LDLRAD4: variants seen among roughly 807,000 people sequenced by gnomAD.
LDLRAD4 encodes low density lipoprotein receptor class A domain containing 4.
LDLRAD4 carries 5 observed loss-of-function variants against 17.0 expected under a neutral mutation model. The ratio of observed to expected loss-of-function variants is 0.29; its 90% CI spans 0.15 to 0.62. The LOEUF is 0.62. LDLRAD4 is among the 20% of genes least tolerant of loss of function. The probability of loss-of-function intolerance (pLI) is 0.84; values close to 1 mark genes in which losing one functional copy is unlikely to be tolerated. For missense variants in LDLRAD4, 340 were observed against 424.7 expected, an observed-to-expected ratio of 0.80 and a Z score of 1.75; for synonymous variants, 168 against 171.8, an observed-to-expected ratio of 0.98 and a Z score of 0.17.
At chr18:13,602,627 T>C (rs2095177593) in intron 3 of LDLRAD4, among the ~76,000 whole-genome samples, 1 of 151,808 alleles carries the variant, frequency 6.6e-6, no homozygotes, top group South Asian at 2.1e-4. Context: ...TTTGTATTTT[T>C]AGTAGAGTCT....
In LDLRAD4 at chr18:13,632,307, C is replaced by A. The variant is rs566056194; in HGVS notation, c.336+11036C>A. Among the ~76,000 whole-genome samples, 3 of 152,354 alleles carry A rather than the reference C, an allele frequency of 2.0e-5. No individual in the cohort carries two copies. The South Asian group carries it at 6.2e-4, about 32-fold the overall frequency. On this transcript the variant is annotated intron_variant, in intron 4 of 5. Transcript: ENST00000359446. ...TCACGTTACTGGCCCAGATCCCACACCTGCCAAGGGCAAGCCAGGCACAGA... is the reference window on the plus strand; with the variant it reads ...TCACGTTACTGGCCCAGATCCCACAACTGCCAAGGGCAAGCCAGGCACAGA...
chr18:13,224,870 C>T (rs1347878878), intron 1 of LDLRAD4, among the ~76,000 whole-genome samples: 2 of 151,232 alleles, frequency 1.3e-5, no homozygotes, highest in Non-Finnish European at 2.9e-5. Context: ...CCTTTATTAC[C>T]CAGGCTGGAG....
chr18:13,244,611 G>T (rs2042867253), intron 1 of LDLRAD4, among the ~76,000 whole-genome samples: 1 of 152,124 alleles, frequency 6.6e-6, no homozygotes, highest in Non-Finnish European at 1.5e-5. Flanking sequence ...GACCCATGTG[G>T]GTTGTATTGT....
chr18:13,628,337 C>T (rs1034277168), intron 4 of LDLRAD4, among the ~76,000 whole-genome samples: 3 of 152,176 alleles, frequency 2.0e-5, no homozygotes, highest in Non-Finnish European at 4.4e-5. Flanking sequence ...GGGGATGAAC[C>T]GCAGGGGACC....
intron 1 of LDLRAD4, among the ~76,000 whole-genome samples, chr18:13,245,403 A>G (rs2145744939): frequency 6.6e-6 from 1 of 152,334 alleles, no homozygotes; most frequent in South Asian, 2.1e-4. Flanking sequence ...CCAGCAGGAA[A>G]TACTACCACA....
In LDLRAD4 at chr18:13,492,064, C is replaced by T. The variant is rs1450744722; in HGVS notation, c.181+53680C>T. Among the ~76,000 whole-genome samples, 4 of 152,130 alleles carry T rather than the reference C, an allele frequency of 2.6e-5. 1 individual carries two copies. The highest frequency in any genetic ancestry group is 9.7e-5 in the African/African-American group (4 of 41,424). On this transcript the variant is annotated intron_variant, in intron 3 of 5. Coordinates refer to ENST00000359446, the Ensembl canonical transcript of LDLRAD4. Reference sequence around the variant, plus strand: ...GCTACCTTCATAGAGTTTTTGCCCCCCACTGAAAATGCAACTTGTCATTCT... The same window carrying T: ...GCTACCTTCATAGAGTTTTTGCCCCTCACTGAAAATGCAACTTGTCATTCT...
At chr18:13,397,171 T>C (rs1307158762) in intron 2 of LDLRAD4, among the ~76,000 whole-genome samples, 1 of 152,178 alleles carries the variant, frequency 6.6e-6, no homozygotes, top group Non-Finnish European at 1.5e-5. Flanking sequence ...AGTCTCTCTC[T>C]GTCGCTCTGT....
intron 3 of LDLRAD4, among the ~76,000 whole-genome samples, chr18:13,560,484 G>A (rs948285740): frequency 1.3e-5 from 2 of 152,178 alleles, no homozygotes; most frequent in Admixed American, 6.5e-5. Context: ...GGATGACGGG[G>A]GCTGATGTCT....
rs369943316 is a variant in LDLRAD4 at position 13,447,407 on chromosome 18, A to G, written c.181+9023A>G. On this transcript the variant is annotated intron_variant, in intron 3 of 5. Coordinates refer to ENST00000359446, the Ensembl canonical transcript of LDLRAD4. ...TTTCTCCAAGACGGTTTTCTGATCA[A>G]TTAAAATCGTGTAGGGTCTTAAATG... 3.9e-5 allele frequency among the ~76,000 whole-genome samples: 6 copies of G among 152,328 alleles called. No homozygotes were observed. In the South Asian group the frequency reaches 1.0e-3, roughly 26 times the overall value.
At chr18:13,415,564 A>ACTCCT (rs2088809013) in intron 2 of LDLRAD4, among the ~76,000 whole-genome samples, 3 of 152,084 alleles carry the variant, frequency 2.0e-5, no homozygotes, top group Admixed American at 1.3e-4. Flanking sequence ...CTGTCTGAGG[A>ACTCCT]GCTGCTCTTG....
intron 3 of LDLRAD4, among the ~76,000 whole-genome samples, chr18:13,453,366 A>G (rs947245889): frequency 6.6e-6 from 1 of 152,164 alleles, no homozygotes; most frequent in Non-Finnish European, 1.5e-5. Flanking sequence ...TGTGTCATAC[A>G]TGACAATGGA....
At chr18:13,538,201 C>T (rs1036901645) in intron 3 of LDLRAD4, among the ~76,000 whole-genome samples, 1 of 152,088 alleles carries the variant, frequency 6.6e-6, no homozygotes, top group African/African-American at 2.4e-5. Flanking sequence ...TTTATTATCT[C>T]TTTCCATTTA....
chr18:13,307,987 A>T (rs2047012294), intron 1 of LDLRAD4, among the ~76,000 whole-genome samples: 1 of 152,206 alleles, frequency 6.6e-6, no homozygotes, highest in Non-Finnish European at 1.5e-5. Flanking sequence ...TATCAAAGGC[A>T]TTCATTCATG....
rs116106796 is a variant in LDLRAD4 at position 13,288,770 on chromosome 18, C to T, written c.-383+10582C>T. Among the ~76,000 whole-genome samples, 377 of 140,206 alleles carry T rather than the reference C, an allele frequency of 2.7e-3. 11 individuals are homozygous for T. The highest frequency in any genetic ancestry group is 9.7e-3 in the African/African-American group (364 of 37,626). 92.0% of individuals were successfully genotyped at this position (140,206 alleles called of 152,430 possible). On this transcript the variant is annotated intron_variant, in intron 1 of 5. Coordinates refer to ENST00000359446, the Ensembl canonical transcript of LDLRAD4. ...CAAGGTGAGTCACGGGCCACGGTAG[C>T]AGCCCTGCAGACCGTGGTCACTCTG...
chr18:13,581,728 A>C (rs1346448224), intron 3 of LDLRAD4, among the ~76,000 whole-genome samples: 1 of 152,166 alleles, frequency 6.6e-6, no homozygotes. Flanking sequence ...CTTGGTGGGC[A>C]TGTATACAGA....
chr18:13,627,454 A>G (rs565409626), intron 4 of LDLRAD4, among the ~76,000 whole-genome samples: 1 of 152,102 alleles, frequency 6.6e-6, no homozygotes, highest in African/African-American at 2.4e-5. Flanking sequence ...GGGCAGCAGC[A>G]TTGCCATCTG....
intron 1 of LDLRAD4, among the ~76,000 whole-genome samples, chr18:13,347,090 A>G (rs1238278811): frequency 1.3e-5 from 2 of 152,084 alleles, no homozygotes; most frequent in African/African-American, 4.8e-5. Flanking sequence ...TAATATTGTT[A>G]TGTGTGAATT....
At chr18:13,234,709 C>T (rs1258464351) in intron 1 of LDLRAD4, among the ~76,000 whole-genome samples, 2 of 152,136 alleles carry the variant, frequency 1.3e-5, no homozygotes, top group African/African-American at 4.8e-5. Flanking sequence ...GAGAGATGAG[C>T]CGGGGAGGCT....
intron 1 of LDLRAD4, among the ~76,000 whole-genome samples, chr18:13,245,317 A>G (rs1008985129): frequency 1.3e-5 from 2 of 152,232 alleles, no homozygotes; most frequent in Non-Finnish European, 2.9e-5. Context: ...ACGTGAGGGC[A>G]GCCGTGTGTA....
Sources: gnomAD v4.1 joint callset for allele counts (sites outside exome capture counted in the v4.1 genomes callset) on GRCh38, gnomAD v4.1.1 for gene constraint, MANE v1.5 for transcripts, NCBI Gene and HGNC (gene_info 2026-07-23, HGNC 2026-07-21) for gene names.